Variants in CAPN13 observed in about 807,000 individuals in gnomAD.
The protein encoded by CAPN13 is calpain 13.
CAPN13 carries 90 observed loss-of-function variants against 98.4 expected under a neutral mutation model. The observed-to-expected ratio is 0.92, with a 90% CI of 0.77 to 1.09. CAPN13 has a LOEUF of 1.09. Among genes scored for constraint, CAPN13 ranks in the 50% least tolerant of loss-of-function variants. The probability of loss-of-function intolerance (pLI) is 0.00; values close to 1 mark genes in which losing one functional copy is unlikely to be tolerated. For synonymous variants in CAPN13, 330 were observed against 305.5 expected (o/e 1.08, Z -0.84); for missense variants, 887 against 841.3 (o/e 1.05, Z -0.67).
chr2:30,777,497 A>T, intron 3 of CAPN13, 70 bp downstream of exon 3: 1 of 1,353,608 alleles, frequency 7.4e-7, no homozygotes, highest in South Asian at 1.2e-5. Flanking sequence ...GTGGGGCAGG[A>T]CTCTGTGGGT....
intron 4 of CAPN13, among the ~76,000 whole-genome samples, chr2:30,775,567 G>A (rs1673645302): frequency 6.6e-6 from 1 of 152,022 alleles, no homozygotes; most frequent in African/African-American, 2.4e-5. Flanking sequence ...AATAATGAAG[G>A]AGAACTTATC....
intron 4 of CAPN13, among the ~76,000 whole-genome samples, chr2:30,773,558 G>T (rs1373659619): frequency 2.0e-5 from 3 of 152,160 alleles, no homozygotes; most frequent in Non-Finnish European, 4.4e-5. Flanking sequence ...AGCCAAAGTG[G>T]CAATAGGAAT....
intron 1 of CAPN13, among the ~76,000 whole-genome samples, chr2:30,805,747 C>CTTTT (rs72100161): frequency 3.3e-5 from 4 of 121,526 alleles, no homozygotes; most frequent in Non-Finnish European, 4.9e-5. Flanking sequence ...GTAGGTTGGT[C>CTTTT]TTTTTTTTTT....
chr2:30,736,222 C>A (rs1182488162), intron 18 of CAPN13, among the ~76,000 whole-genome samples: 1 of 6,940 alleles, frequency 1.4e-4, no homozygotes, highest in Admixed American at 1.3e-3. Context: ...GATGCAGGGG[C>A]GGGGGTGGGG....
chr2:30,787,188 G>A lies in CAPN13; in HGVS notation c.138C>T (p.Ser46=), dbSNP rs774846694. The A allele has an allele frequency of 6.3e-7, 1 of 1,598,548 alleles. No homozygotes were observed. The highest frequency in any genetic ancestry group is 1.7e-5 in the Admixed American group (1 of 57,708). The part of the protein sequence containing the change: ...KDETFPAADS[S]IGQKLLQEKR... The stretch of plus-strand genomic sequence containing the variant: ...TTTCCTGGAGCAGCTTCTGGCCTAT[G>A]GAAGAATCTGCTGCAGGGAATGTCT... The change falls in exon 2 of 23, where the codon TCC becomes TCT. Residue 46 remains serine (S), a synonymous_variant. Transcript: ENST00000295055.
chr2:30,753,021 T>C (rs569358593), intron 10 of CAPN13, 32 bp downstream of exon 10: 22 of 1,611,636 alleles, frequency 1.4e-5, no homozygotes, highest in African/African-American at 2.7e-5. Flanking sequence ...CAGCTTCCAG[T>C]TGGGCAGTGT....
intron 13 of CAPN13, 61 bp downstream of exon 13, chr2:30,743,322 A>C: frequency 7.0e-7 from 1 of 1,437,320 alleles, no homozygotes; most frequent in Non-Finnish European, 9.8e-7. Flanking sequence ...CCATAATTAC[A>C]CAATGTGTTT....
chr2:30,727,524 C>T (rs1013937375), intron 22 of CAPN13, among the ~76,000 whole-genome samples: 2 of 151,878 alleles, frequency 1.3e-5, no homozygotes, highest in Non-Finnish European at 2.9e-5. Context: ...AACATTTCGC[C>T]GAAGATATAA....
intron 1 of CAPN13, among the ~76,000 whole-genome samples, chr2:30,788,421 T>C (rs181890631): frequency 1.5e-4 from 23 of 152,328 alleles, no homozygotes; most frequent in African/African-American, 5.3e-4. Context: ...TGGTGCCATT[T>C]ACCAAAAATG....
intron 5 of CAPN13, among the ~76,000 whole-genome samples, chr2:30,766,243 C>T (rs997145434): frequency 6.6e-6 from 1 of 152,220 alleles, no homozygotes; most frequent in African/African-American, 2.4e-5. Context: ...GGGCCTGGCC[C>T]CTCTGTCACT....
chr2:30,734,671 G>C, intron 18 of CAPN13, 147 bp from the exon 19 acceptor site: 1 of 677,566 alleles, frequency 1.5e-6, no homozygotes, highest in South Asian at 1.7e-5. Flanking sequence ...GGCCACACCT[G>C]GTGAACTGAC....
At chr2:30,756,766 G>C (rs949024433) in intron 8 of CAPN13, among the ~76,000 whole-genome samples, 22 of 152,194 alleles carry the variant, frequency 1.4e-4, no homozygotes, top group African/African-American at 5.1e-4. Context: ...GAATAGAGGT[G>C]AGAGAGGAGA....
At chr2:30,741,840 G>C (rs1572798354) in intron 15 of CAPN13, 68 bp downstream of exon 15, 2 of 1,611,626 alleles carry the variant, frequency 1.2e-6, no homozygotes, top group African/African-American at 2.7e-5. Flanking sequence ...GGGCCTGTGA[G>C]AGCTGTCCCT....
chr2:30,763,172 G>A lies in CAPN13; in HGVS notation c.700-16C>T, dbSNP rs2148020479. 3 of 1,606,744 alleles carry A rather than the reference G, an allele frequency of 1.9e-6. No homozygotes were observed. The highest frequency in any genetic ancestry group is 2.6e-6 in the Non-Finnish European group (3 of 1,175,998). Reference sequence around the variant, plus strand: ...TATCTGTTGGCTTCAAGGCAGAAAAGCAGATCAAACATTAGACATCTACAG... The same window carrying A: ...TATCTGTTGGCTTCAAGGCAGAAAAACAGATCAAACATTAGACATCTACAG... On this transcript the variant is annotated splice_polypyrimidine_tract_variant and intron_variant, in intron 6 of 22. Coordinates refer to ENST00000295055, the MANE Select transcript of CAPN13 (RefSeq NM_144575.3).
chr2:30,754,654 C>T (rs1361889336), intron 8 of CAPN13, among the ~76,000 whole-genome samples: 2 of 152,188 alleles, frequency 1.3e-5, no homozygotes, highest in Admixed American at 1.3e-4. Flanking sequence ...CCTGACTGTA[C>T]CCATCCTCTG....
chr2:30,743,667 C>G, intron 12 of CAPN13, 88 bp from the exon 13 acceptor site: 1 of 1,124,974 alleles, frequency 8.9e-7, no homozygotes, highest in Non-Finnish European at 1.3e-6. Flanking sequence ...ACCTTCTAGA[C>G]CGTCTCCATT....
At chr2:30,742,443 C>T in intron 13 of CAPN13, 84 bp from the exon 14 acceptor site, 1 of 1,457,848 alleles carries the variant, frequency 6.9e-7, no homozygotes, top group Non-Finnish European at 9.4e-7. Context: ...CCAGGTGGCA[C>T]TGGATATTGA....
At chr2:30,729,414 G>A (rs1391426606) in intron 22 of CAPN13, 1 of 152,202 alleles carries the variant, frequency 6.6e-6, no homozygotes, top group Non-Finnish European at 1.5e-5. Flanking sequence ...AGGGAATCGC[G>A]ACCCTGTACG....
intron 13 of CAPN13, 162 bp downstream of exon 13, chr2:30,743,221 G>A (rs545387006): frequency 2.8e-5 from 19 of 680,750 alleles, no homozygotes; most frequent in African/African-American, 1.3e-4. Context: ...AGACTTTCTC[G>A]CTCCCCCTTT....
Sources: allele counts gnomAD v4.1 joint callset (sites outside exome capture counted in the v4.1 genomes callset), GRCh38; gene constraint gnomAD v4.1.1; transcripts MANE v1.5; gene names NCBI Gene and HGNC (gene_info 2026-07-23, HGNC 2026-07-21).